The following TRHDE variants were observed in gnomAD, a reference collection of about 807,000 sequenced individuals.
TRHDE encodes thyrotropin-releasing hormone-degrading ectoenzyme.
A neutral mutation model predicts 125.7 loss-of-function variants in TRHDE; 72 were observed. That is an observed-to-expected ratio of 0.57 (90% CI 0.47 to 0.70). The LOEUF (loss-of-function observed/expected upper bound fraction) is 0.70. Ranked by LOEUF, TRHDE falls within the 30% of genes least tolerant of loss-of-function variation. The pLI is 0.00. For missense variants in TRHDE, 1,110 were observed against 1,327.1 expected, an observed-to-expected ratio of 0.84 and a Z score of 2.54; for synonymous variants, 509 against 509.1, an observed-to-expected ratio of 1.00 and a Z score of 0.00.
chr12:72,473,914 AC>A (rs767933156), intron 5 of TRHDE, among the ~76,000 whole-genome samples: 3 of 152,098 alleles, frequency 2.0e-5, no homozygotes, highest in Admixed American at 6.6e-5. Flanking sequence ...TTTAAGTGGT[AC>A]TATTAAATTA....
rs200231099 is a variant in TRHDE at position 72,231,392 on chromosome 12, AG to A, written n.279+125642del. On this transcript the variant is annotated intron_variant and non_coding_transcript_variant, in intron 2 of 4. Coordinates refer to the TRHDE transcript ENST00000548156. ...AGTATTGACAAAATTTACTTGCTTA[AG>A]GAAGTCCCCCACCCCCTTTTGGAGG... 1.1e-3 allele frequency among the ~76,000 whole-genome samples: 167 copies of A among 152,292 alleles called. No individual in the cohort carries two copies. The East Asian group carries it at 0.018, about 16-fold the overall frequency.
intron 1 of TRHDE, among the ~76,000 whole-genome samples, chr12:72,281,045 G>A (rs1247650422): frequency 6.6e-6 from 1 of 152,122 alleles, no homozygotes; most frequent in East Asian, 1.9e-4. Context: ...TTTTTGGTAA[G>A]CATATTTAGT....
intron 2 of TRHDE, among the ~76,000 whole-genome samples, chr12:72,240,716 CCCA>C (rs1052242565): frequency 4.6e-5 from 7 of 151,794 alleles, no homozygotes; most frequent in Non-Finnish European, 8.8e-5. Flanking sequence ...ACTACAGGCG[CCCA>C]CCACCATGCC....
chr12:72,288,254 A>G (rs758942911), intron 2 of TRHDE, among the ~76,000 whole-genome samples: 1 of 152,212 alleles, frequency 6.6e-6, no homozygotes, highest in Non-Finnish European at 1.5e-5. Flanking sequence ...TGATAGCTCT[A>G]AAATAACCTA....
At chr12:72,380,730 C>CCTTG (rs879348897) in intron 3 of TRHDE, among the ~76,000 whole-genome samples, 2 of 99,844 alleles carry the variant, frequency 2.0e-5, no homozygotes, top group Non-Finnish European at 3.7e-5. Context: ...TTCCTTCCTT[C>CCTTG]CTTGCTTCCT....
intron 2 of TRHDE, among the ~76,000 whole-genome samples, chr12:72,178,286 C>G (rs989127190): frequency 2.0e-5 from 3 of 152,036 alleles, no homozygotes; most frequent in African/African-American, 7.2e-5. Context: ...AGACAGTTTA[C>G]TGCTATTATA....
Position 72,273,379 on chromosome 12 carries a change from G to C in TRHDE, c.736G>C (p.Gly246Arg), listed in dbSNP as rs1286985418. 4 of 1,614,046 alleles carry C rather than the reference G, an allele frequency of 2.5e-6. No individual in the cohort carries two copies. Among genetic ancestry groups the C allele is most frequent in the Middle Eastern group, 1.6e-4 (1 of 6,084 alleles). ...KVQLAEDRAF[G>R]AVPVAGFFLY... ...GCAGCTGGCCGAGGACCGGGCGTTC[G>C]GGGCTGTCCCTGTAGCCGGTTTTTT... The change falls in exon 1 of 19, where the codon GGG becomes CGG. Residue 246 changes from glycine to arginine, a missense_variant. Physicochemically the swap from Gly to Arg is moderately radical, Grantham distance 125. Transcript: ENST00000261180. This position sits in a 1 kb window ranked among gnomAD's most constrained non-coding sequence, Gnocchi z 5.3.
intron 2 of TRHDE, among the ~76,000 whole-genome samples, chr12:72,329,235 A>T (rs1057457181): frequency 6.6e-6 from 1 of 152,238 alleles, no homozygotes. Context: ...CTAGAGGCAC[A>T]TTCTTACTTT....
chr12:72,621,578 C>A, intron 14 of TRHDE, 66 bp from the exon 15 acceptor site: 1 of 1,155,880 alleles, frequency 8.7e-7, no homozygotes, highest in Non-Finnish European at 1.2e-6. Flanking sequence ...ATTTACTTAT[C>A]TACTATTTAG....
chr12:72,470,438 T>C (rs2135898199), intron 4 of TRHDE, among the ~76,000 whole-genome samples: 1 of 152,376 alleles, frequency 6.6e-6, no homozygotes, highest in Middle Eastern at 3.4e-3. Flanking sequence ...TTGGCATGTT[T>C]AGAAATTCAT....
chr12:72,530,620 C>T (rs1288652981), intron 6 of TRHDE, among the ~76,000 whole-genome samples: 2 of 150,680 alleles, frequency 1.3e-5, no homozygotes, highest in African/African-American at 4.9e-5. Context: ...CCTACTTTCT[C>T]TCCAGACTTC....
At chr12:72,173,646 A>G (rs977376369) in intron 2 of TRHDE, among the ~76,000 whole-genome samples, 3 of 152,166 alleles carry the variant, frequency 2.0e-5, no homozygotes, top group Admixed American at 6.6e-5. Context: ...TTAAAAAAGG[A>G]TTTTATTATG....
intron 2 of TRHDE, among the ~76,000 whole-genome samples, chr12:72,164,427 G>T (rs1876701184): frequency 6.6e-6 from 1 of 152,146 alleles, no homozygotes; most frequent in African/African-American, 2.4e-5. Context: ...CTGAAGAGAA[G>T]ACCCAGAGCC....
At chr12:72,585,230 C>A (rs1181556243) in intron 12 of TRHDE, among the ~76,000 whole-genome samples, 1 of 151,964 alleles carries the variant, frequency 6.6e-6, no homozygotes, top group Non-Finnish European at 1.5e-5. Context: ...TCTAGAAATT[C>A]ATTTCGTCTT....
intron 5 of TRHDE, among the ~76,000 whole-genome samples, chr12:72,491,399 A>T (rs892966918): frequency 5.9e-5 from 9 of 151,928 alleles, no homozygotes; most frequent in Non-Finnish European, 8.8e-5. Context: ...AATGTGAGTG[A>T]CTGATTGATA....
intron 12 of TRHDE, among the ~76,000 whole-genome samples, chr12:72,605,404 C>T (rs779446447): frequency 7.9e-5 from 12 of 151,964 alleles, no homozygotes; most frequent in Non-Finnish European, 1.6e-4. Context: ...CCCTTTATTT[C>T]TTTCAGTTAC....
chr12:72,344,201 A>G (rs974124036), intron 2 of TRHDE, among the ~76,000 whole-genome samples: 12 of 152,212 alleles, frequency 7.9e-5, no homozygotes, highest in Non-Finnish European at 1.5e-4. Context: ...TGATACAGAA[A>G]TAAACTTGTA....
chr12:72,495,142 A>T (rs1393896795), intron 5 of TRHDE, among the ~76,000 whole-genome samples: 3 of 125,088 alleles, frequency 2.4e-5, no homozygotes, highest in Non-Finnish European at 3.2e-5. Context: ...CCTCTCTTTC[A>T]TCGACTAAGG....
At chr12:72,459,816 C>A (rs888800631) in intron 3 of TRHDE, among the ~76,000 whole-genome samples, 7 of 152,140 alleles carry the variant, frequency 4.6e-5, no homozygotes, top group African/African-American at 1.7e-4. Flanking sequence ...CAATGTCTGA[C>A]TATGTTGCCC....
Sources: allele counts gnomAD v4.1 joint callset (sites outside exome capture counted in the v4.1 genomes callset), GRCh38; gene constraint gnomAD v4.1.1; non-coding constraint Gnocchi (gnomAD v3.1); transcripts MANE v1.5; gene names NCBI Gene and HGNC (gene_info 2026-07-23, HGNC 2026-07-21).